Variants in SNX13 observed in about 807,000 individuals in gnomAD.
SNX13 encodes sorting nexin 13.
In SNX13, 45 loss-of-function variants were observed where a neutral mutation model predicts 133.6. That is an observed-to-expected ratio of 0.34 (90% CI 0.27 to 0.43). SNX13 has a LOEUF of 0.43. SNX13 is among the 20% of genes least tolerant of loss of function. The pLI is 1.00. For synonymous variants in SNX13, 414 were observed against 373.9 expected (o/e 1.11, Z -1.24); for missense variants, 1,032 against 1,145.1 (o/e 0.90, Z 1.43).
At position 17,829,980 on chromosome 7, in the gene SNX13, C is replaced by T. The variant is rs1220723288; in HGVS notation, c.1635+30G>A. On this transcript the variant is annotated intron_variant, in intron 16 of 25. Coordinates refer to ENST00000428135, the MANE Select transcript of SNX13 (RefSeq NM_015132.5). ...AGCCTTTTACATTATTTTCAAGTCA[C>T]TTTAATAAAGTACCCATAATAGTAC... is the stretch of plus-strand genomic sequence containing the variant. 3.4e-6 allele frequency: 5 copies of T among 1,467,510 alleles called. No individual in the cohort carries two copies. In the East Asian group the frequency reaches 1.0e-4, roughly 29 times the overall value. 90.9% of individuals were successfully genotyped at this position (1,467,510 alleles called of 1,614,324 possible). A position where few individuals can be genotyped will look rare whatever the true frequency, so the allele number is the denominator to read the frequency against.
chr7:17,886,802 C>T (rs1185702855), intron 5 of SNX13, among the ~76,000 whole-genome samples: 1 of 152,096 alleles, frequency 6.6e-6, no homozygotes, highest in Non-Finnish European at 1.5e-5. Flanking sequence ...ATCCAAATAA[C>T]CCATTCTTGA....
intron 5 of SNX13, among the ~76,000 whole-genome samples, chr7:17,878,706 CATT>C (rs1795008317): frequency 6.6e-6 from 1 of 152,106 alleles, no homozygotes; most frequent in Non-Finnish European, 1.5e-5. Context: ...AATAACACCC[CATT>C]ATTATTAGGA....
At position 17,868,410 on chromosome 7, in the gene SNX13, C is replaced by A. The variant is rs191776642; in HGVS notation, c.834G>T (p.Trp278Cys). 1.3e-6 allele frequency: 2 copies of A among 1,598,722 alleles called. No individual in the cohort carries two copies. Among genetic ancestry groups the A allele is most frequent in the East Asian group, 4.5e-5 (2 of 44,496 alleles). Reference sequence around the variant, plus strand: ...TGTAATTTTAAAAGGCACCTACCATCCATATGACATACTGATTAATATAAT... The same window carrying A: ...TGTAATTTTAAAAGGCACCTACCATACATATGACATACTGATTAATATAAT... Reference protein sequence around the residue: ...DPDYINQYVIWMIRDSNCNYE... With the variant: ...DPDYINQYVICMIRDSNCNYE... Residue 278 changes from tryptophan (W) to cysteine (C), a missense_variant, in exon 9 of 26, where the codon TGG becomes TGT. Physicochemically the swap from Trp to Cys is radical, Grantham distance 215. Transcript: ENST00000428135.
chr7:17,803,602 T>C, intron 20 of SNX13, 22 bp from the exon 21 acceptor site: 1 of 1,580,680 alleles, frequency 6.3e-7, no homozygotes, highest in South Asian at 1.2e-5. Flanking sequence ...AAAGATATTA[T>C]ACCATGACTT....
intron 8 of SNX13, among the ~76,000 whole-genome samples, chr7:17,873,205 C>T (rs1246113997): frequency 1.3e-5 from 2 of 152,190 alleles, no homozygotes; most frequent in Non-Finnish European, 2.9e-5. Context: ...ACCCTTTCAA[C>T]ACCATTTTCA....
At chr7:17,879,630 T>C (rs1795114675) in intron 5 of SNX13, 1 of 152,326 alleles carries the variant, frequency 6.6e-6, no homozygotes, top group African/African-American at 2.4e-5. Context: ...AAAAGGCAAG[T>C]AAAGGCCCAA....
intron 20 of SNX13, among the ~76,000 whole-genome samples, chr7:17,805,244 T>TGTGA (rs1554304227): frequency 9.3e-6 from 1 of 107,300 alleles, no homozygotes; most frequent in African/African-American, 3.1e-5. Context: ...TGTGTGTGTG[T>TGTGA]GTGTGTGCGT....
At chr7:17,939,429 C>T (rs1318155503) in intron 1 of SNX13, among the ~76,000 whole-genome samples, 2 of 152,246 alleles carry the variant, frequency 1.3e-5, no homozygotes, top group Non-Finnish European at 2.9e-5. Flanking sequence ...GATACTACAA[C>T]ACATAACTGG....
At chr7:17,933,436 A>G (rs1801640629) in intron 1 of SNX13, among the ~76,000 whole-genome samples, 1 of 152,068 alleles carries the variant, frequency 6.6e-6, no homozygotes, top group Non-Finnish European at 1.5e-5. Flanking sequence ...CCAGCTAGTC[A>G]GGAGGCTGAG....
At position 17,818,642 on chromosome 7, in the gene SNX13, G is replaced by T. The variant is rs1347085998; in HGVS notation, c.1846-2353C>A. On this transcript the variant is annotated intron_variant, in intron 18 of 25. Transcript: ENST00000428135. ...AAAATATTTTTAAAGGCATTTAAAA[G>T]AAATTCAAAATTCAGCAAAAAAGAA... 2.0e-5 allele frequency among the ~76,000 whole-genome samples: 3 copies of T among 152,008 alleles called. No individual in the cohort carries two copies. The East Asian group carries it at 5.8e-4, about 29-fold the overall frequency.
At chr7:17,807,686 AG>A (rs1308629511) in intron 20 of SNX13, among the ~76,000 whole-genome samples, 1 of 152,136 alleles carries the variant, frequency 6.6e-6, no homozygotes, top group Admixed American at 6.5e-5. Context: ...ACCTCCCATC[AG>A]GGGTCGACAG....
At chr7:17,860,102 T>A (rs1267268661) in intron 9 of SNX13, among the ~76,000 whole-genome samples, 2 of 152,120 alleles carry the variant, frequency 1.3e-5, no homozygotes, top group East Asian at 3.9e-4. Context: ...TTACATTCCA[T>A]CGATAGTGCA....
chr7:17,834,292 T>A, intron 14 of SNX13, 108 bp from the exon 15 acceptor site: 1 of 949,526 alleles, frequency 1.1e-6, no homozygotes, highest in Non-Finnish European at 1.5e-6. Context: ...TAATGTATCA[T>A]AGTTACAAGC....
chr7:17,882,328 C>G (rs753869178), intron 5 of SNX13: 7 of 152,038 alleles, frequency 4.6e-5, no homozygotes, highest in Non-Finnish European at 1.0e-4. Flanking sequence ...TAAAAAAAAT[C>G]AAACTCATAA....
Position 17,822,961 on chromosome 7 carries a change from G to A in SNX13, c.1706-1313C>T, listed in dbSNP as rs139905472. ...TCCAGTCATGATCTTGACATTTCTT[G>A]TTTTTCTACTGATGGTAGGCTGTTT... On this transcript the variant is annotated intron_variant, in intron 17 of 25. Transcript: ENST00000428135. Among the ~76,000 whole-genome samples the A allele has an allele frequency of 4.1e-4, 62 of 152,242 alleles. No individual in the cohort carries two copies. The East Asian group carries it at 8.1e-3, about 20-fold the overall frequency.
chr7:17,906,512 C>A (rs1583715441), intron 1 of SNX13, among the ~76,000 whole-genome samples: 1 of 151,902 alleles, frequency 6.6e-6, no homozygotes, highest in East Asian at 1.9e-4. Context: ...TATTTAGTTC[C>A]AACTATACTC....
At chr7:17,905,157 T>G (rs535583270) in intron 1 of SNX13, among the ~76,000 whole-genome samples, 3 of 152,194 alleles carry the variant, frequency 2.0e-5, no homozygotes, top group Non-Finnish European at 4.4e-5. Flanking sequence ...TGCATGGCTA[T>G]ACAATTAAGA....
At chr7:17,874,434 G>A (rs1267201382) in intron 7 of SNX13, among the ~76,000 whole-genome samples, 1 of 152,090 alleles carries the variant, frequency 6.6e-6, no homozygotes, top group African/African-American at 2.4e-5. Flanking sequence ...CAAAAGTTAT[G>A]CACAGAATTC....
intron 1 of SNX13, among the ~76,000 whole-genome samples, chr7:17,901,876 G>C (rs1439979676): frequency 6.6e-6 from 1 of 152,046 alleles, no homozygotes; most frequent in Non-Finnish European, 1.5e-5. Context: ...GCTTCTATTT[G>C]GCCATCCTGC....
Sources: gnomAD v4.1 joint callset for allele counts (sites outside exome capture counted in the v4.1 genomes callset) on GRCh38, gnomAD v4.1.1 for gene constraint, MANE v1.5 for transcripts, NCBI Gene and HGNC (gene_info 2026-07-23, HGNC 2026-07-21) for gene names.